Variants in SPAG17 observed in about 807,000 individuals in gnomAD.
SPAG17 encodes sperm associated antigen 17, also known as sperm-associated antigen 17.
In SPAG17, 169 loss-of-function variants were observed where a neutral mutation model predicts 273.6. That is an observed-to-expected ratio of 0.62 (90% CI 0.55 to 0.70). The LOEUF is 0.70. Ranked by LOEUF, SPAG17 falls within the 30% of genes least tolerant of loss-of-function variation. SPAG17 has a pLI of 0.00. For missense variants in SPAG17, 2,557 were observed against 2,627.8 expected (o/e 0.97, Z 0.59); for synonymous variants, 825 against 873.2 (o/e 0.94, Z 0.97).
intron 15 of SPAG17, 113 bp from the exon 16 acceptor site, chr1:118,074,713 C>T: frequency 1.0e-6 from 1 of 954,884 alleles, no homozygotes; most frequent in Non-Finnish European, 1.6e-6. Flanking sequence ...GCTGAAAAGG[C>T]AATGCCTGAA....
intron 3 of SPAG17, among the ~76,000 whole-genome samples, chr1:118,140,457 A>G (rs1658614108): frequency 6.6e-6 from 1 of 152,178 alleles, no homozygotes; most frequent in African/African-American, 2.4e-5. Flanking sequence ...TTTTTACCCC[A>G]TAAATGTATT....
chr1:117,972,215 CTTTGT>C (rs929202241), intron 44 of SPAG17, among the ~76,000 whole-genome samples, 168 bp from the exon 45 acceptor site: 1 of 152,160 alleles, frequency 6.6e-6, no homozygotes, highest in Non-Finnish European at 1.5e-5. Context: ...GTATTTTAGG[CTTTGT>C]TTTAAGGATA....
intron 32 of SPAG17, among the ~76,000 whole-genome samples, chr1:118,003,706 C>T (rs560955881): frequency 8.5e-5 from 13 of 152,246 alleles, no homozygotes; most frequent in African/African-American, 3.1e-4. Context: ...TTCTACTTAG[C>T]CATTCGTCTA....
intron 3 of SPAG17, among the ~76,000 whole-genome samples, chr1:118,134,038 T>C (rs1558036018): frequency 1.3e-5 from 2 of 152,344 alleles, no homozygotes; most frequent in African/African-American, 4.8e-5. Context: ...CATGGATAAA[T>C]TGGAACTATC....
Position 118,091,648 on chromosome 1 carries a change from T to A in SPAG17, c.1317A>T (p.Glu439Asp). 1 of 1,612,626 alleles carries A rather than the reference T, an allele frequency of 6.2e-7. No individual in the cohort carries two copies. The highest frequency in any genetic ancestry group is 8.5e-7 in the Non-Finnish European group (1 of 1,178,894). ...YNYLLNPIREEFISVPLILHC... is the reference protein window; with the variant it reads ...YNYLLNPIREDFISVPLILHC... Reference sequence around the variant, plus strand: ...GCAGTATCAGGGGCACAGAAATGAATTCCTCTCGAATTGGATTCAGCAAAT... The same window carrying A: ...GCAGTATCAGGGGCACAGAAATGAAATCCTCTCGAATTGGATTCAGCAAAT... Residue 439 changes from glutamate (E) to aspartate (D), a missense_variant, in exon 10 of 49, where the codon GAA becomes GAT. Transcript: ENST00000336338.
chr1:118,117,661 C>A (rs1558025286), intron 3 of SPAG17, among the ~76,000 whole-genome samples: 2 of 152,184 alleles, frequency 1.3e-5, no homozygotes, highest in African/African-American at 4.8e-5. Context: ...GGACAGGCAG[C>A]CTTGAGGAGT....
chr1:118,119,920 T>G (rs2102269149), intron 3 of SPAG17, among the ~76,000 whole-genome samples: 1 of 152,374 alleles, frequency 6.6e-6, no homozygotes, highest in East Asian at 1.9e-4. Context: ...CTTTCTGTGC[T>G]GATAAGTTTT....
At chr1:117,959,448 A>G (rs750272046) in intron 48 of SPAG17, 36 of 1,598,066 alleles carry the variant, frequency 2.3e-5, no homozygotes, top group Non-Finnish European at 2.6e-5. Context: ...GTTGACTTAG[A>G]ACTGAAATGT....
At chr1:118,158,427 G>A (rs1036140981) in intron 1 of SPAG17, among the ~76,000 whole-genome samples, 6 of 152,184 alleles carry the variant, frequency 3.9e-5, no homozygotes, top group African/African-American at 1.4e-4. Context: ...CTTTTCATTA[G>A]AGATGTGGAT....
chr1:118,046,679 A>G (rs1260040116), intron 20 of SPAG17, among the ~76,000 whole-genome samples: 1 of 152,190 alleles, frequency 6.6e-6, no homozygotes, highest in African/African-American at 2.4e-5. Context: ...CCATGTAGGT[A>G]CTTATGCAAT....
chr1:117,957,299 G>A (rs1397992903), intron 48 of SPAG17: 9 of 1,377,258 alleles, frequency 6.5e-6, no homozygotes, highest in East Asian at 5.2e-5. Context: ...ATAGTATGCC[G>A]AACTCGGTGG....
At chr1:118,075,401 G>A (rs1274595238) in intron 15 of SPAG17, among the ~76,000 whole-genome samples, 1 of 152,188 alleles carries the variant, frequency 6.6e-6, no homozygotes, top group Admixed American at 6.5e-5. Flanking sequence ...CATTCATATT[G>A]TTGATTTCTG....
intron 3 of SPAG17, among the ~76,000 whole-genome samples, chr1:118,146,666 A>T (rs916249826): frequency 6.6e-6 from 1 of 152,282 alleles, no homozygotes; most frequent in African/African-American, 2.4e-5. Context: ...TTGAAAGTCA[A>T]GATCTACCTA....
At chr1:118,000,990 C>T (rs112179851) in intron 32 of SPAG17, among the ~76,000 whole-genome samples, 4 of 152,082 alleles carry the variant, frequency 2.6e-5, no homozygotes, top group African/African-American at 4.8e-5. Context: ...TTTTGAGATA[C>T]GTTCCATTGA....
At chr1:118,168,022 G>C (rs1660251992) in intron 1 of SPAG17, among the ~76,000 whole-genome samples, 1 of 152,144 alleles carries the variant, frequency 6.6e-6, no homozygotes, top group Non-Finnish European at 1.5e-5. Context: ...AGCTTCCTGA[G>C]GCCTCCCCAG....
intron 7 of SPAG17, among the ~76,000 whole-genome samples, chr1:118,096,913 T>C (rs1190130422): frequency 1.3e-5 from 2 of 152,136 alleles, no homozygotes; most frequent in Non-Finnish European, 2.9e-5. Context: ...CCTATTAGGA[T>C]AGACCTTCTT....
At chr1:118,136,070 A>T (rs540325199) in intron 3 of SPAG17, among the ~76,000 whole-genome samples, 1 of 152,308 alleles carries the variant, frequency 6.6e-6, no homozygotes, top group African/African-American at 2.4e-5. Flanking sequence ...AATCTGCCAT[A>T]CAAGGTTGTT....
At chr1:118,139,678 T>C (rs1456411901) in intron 3 of SPAG17, among the ~76,000 whole-genome samples, 1 of 152,036 alleles carries the variant, frequency 6.6e-6, no homozygotes, top group Non-Finnish European at 1.5e-5. Flanking sequence ...GAAAACATTA[T>C]GCTAAGTGAA....
intron 3 of SPAG17, among the ~76,000 whole-genome samples, chr1:118,136,177 G>A (rs1043268814): frequency 6.6e-6 from 1 of 152,088 alleles, no homozygotes; most frequent in Non-Finnish European, 1.5e-5. Flanking sequence ...TCTTTTTAGG[G>A]GTTCCAGCAA....
Sources: allele counts gnomAD v4.1 joint callset (sites outside exome capture counted in the v4.1 genomes callset), GRCh38; gene constraint gnomAD v4.1.1; transcripts MANE v1.5; gene names NCBI Gene and HGNC (gene_info 2026-07-23, HGNC 2026-07-21).